The following COL12A1 variants were observed in gnomAD, a reference collection of about 807,000 sequenced individuals.
The protein encoded by COL12A1 is collagen type XII alpha 1 chain.
A neutral mutation model predicts 349.7 loss-of-function variants in COL12A1; 114 were observed. That is an observed-to-expected ratio of 0.33 (90% CI 0.28 to 0.38). COL12A1 has a LOEUF of 0.38. Ranked by LOEUF, COL12A1 falls within the 10% of genes least tolerant of loss-of-function variation. The pLI is 1.00. For missense variants in COL12A1, 3,284 were observed against 3,756.9 expected (o/e 0.87, Z 3.29); for synonymous variants, 1,369 against 1,329.0 (o/e 1.03, Z -0.66).
chr6:75,194,906 T>G lies in COL12A1; in HGVS notation c.115A>C (p.Asn39His). ...TTTGCCCATGACATATGAACAGTATTTTCATCTATAATTTTAAAATTCAAG... is the reference window on the plus strand; with the variant it reads ...TTTGCCCATGACATATGAACAGTATGTTCATCTATAATTTTAAAATTCAAG... Reference protein sequence around the residue: ...SDLNFKIIDENTVHMSWAKPV... With the variant: ...SDLNFKIIDEHTVHMSWAKPV... Residue 39 changes from asparagine to histidine, a missense_variant, in exon 3 of 66, where the codon AAT becomes CAT. Coordinates refer to ENST00000322507, the MANE Select transcript of COL12A1 (RefSeq NM_004370.6). 6.2e-7 allele frequency: 1 copy of G among 1,609,880 alleles called. No individual in the cohort carries two copies. The highest frequency in any genetic ancestry group is 8.5e-7 in the Non-Finnish European group (1 of 1,177,960).
At position 75,183,857 on chromosome 6, in the gene COL12A1, C is replaced by G. The variant is rs777594856; in HGVS notation, c.1285G>C (p.Val429Leu). 5 of 1,613,982 alleles carry G rather than the reference C, an allele frequency of 3.1e-6. No individual in the cohort carries two copies. In the South Asian group the frequency reaches 5.5e-5, roughly 18 times the overall value. ...AATGATGCACACATTGACTTACCCA[C>G]TTGAACTTTCATTGGCTGAGTCTTC... is the stretch of plus-strand genomic sequence containing the variant. The part of the protein sequence containing the change: ...MEKTQPMKVQ[V>L]ECSRGVDIKA... Residue 429 changes from valine (V) to leucine (L), a missense_variant, in exon 9 of 66, where the codon GTG (valine) becomes CTG (leucine). Val to Leu is a conservative substitution (Grantham distance 32). Around this residue, in one of 2 missense-constraint regions of COL12A1, gnomAD observed 2,601 missense variants for 2,824.8 expected, o/e 0.92. Coordinates refer to ENST00000322507, the MANE Select transcript of COL12A1 (RefSeq NM_004370.6).
intron 14 of COL12A1, among the ~76,000 whole-genome samples, chr6:75,164,982 G>A (rs1562258486): frequency 6.6e-6 from 1 of 152,054 alleles, no homozygotes; most frequent in Non-Finnish European, 1.5e-5. Flanking sequence ...TTAAGTCTTG[G>A]TTGTATGATA....
At chr6:75,154,624 C>A in intron 16 of COL12A1, 87 bp from the exon 17 acceptor site, 1 of 1,385,242 alleles carries the variant, frequency 7.2e-7, no homozygotes, top group Non-Finnish European at 9.7e-7. Flanking sequence ...AGACATTTTT[C>A]TTGATTTACA....
intron 3 of COL12A1, among the ~76,000 whole-genome samples, chr6:75,194,301 CA>C (rs1307026919): frequency 2.0e-5 from 3 of 152,060 alleles, no homozygotes; most frequent in African/African-American, 7.2e-5. Context: ...TGAGAACAAG[CA>C]AAACAAGTTT....
rs1310779217 is a variant in COL12A1, at chr6:75,115,789, A to G, written c.7692T>C (p.Pro2564=). 2 of 1,608,700 alleles carry G rather than the reference A, an allele frequency of 1.2e-6. No individual in the cohort carries two copies. Among genetic ancestry groups the G allele is most frequent in the East Asian group, 2.2e-5 (1 of 44,836 alleles). ...RIQKNAFVNQ[P]TADLHPNGLP... ...CCTCCTGTTGTCACACTTACGCTGT[A>G]GGCTGATTCACAAACGCATTCTTCT... The change falls in exon 49 of 66, where the codon CCT becomes CCC. Residue 2564 remains proline (P), a synonymous_variant. Coordinates refer to ENST00000322507, the MANE Select transcript of COL12A1 (RefSeq NM_004370.6).
chr6:75,148,178 A>G (rs1212748393), intron 22 of COL12A1, among the ~76,000 whole-genome samples, 180 bp downstream of exon 22: 1 of 152,158 alleles, frequency 6.6e-6, no homozygotes, highest in Non-Finnish European at 1.5e-5. Flanking sequence ...CTTTCCCTTT[A>G]ATTAAAGCCA....
chr6:75,155,562 T>C, intron 16 of COL12A1, 100 bp downstream of exon 16: 1 of 1,167,750 alleles, frequency 8.6e-7, no homozygotes, highest in South Asian at 1.5e-5. Flanking sequence ...CAAACAGACA[T>C]ATAAGTGATA....
At chr6:75,102,278 T>C (rs148122578) in intron 56 of COL12A1, among the ~76,000 whole-genome samples, 12 of 152,326 alleles carry the variant, frequency 7.9e-5, no homozygotes, top group Admixed American at 5.9e-4. Context: ...TACAATGTTA[T>C]GGGGTAATTT....
At chr6:75,129,959 T>A in intron 37 of COL12A1, 132 bp downstream of exon 37, 1 of 1,057,296 alleles carries the variant, frequency 9.5e-7, no homozygotes, top group Non-Finnish European at 1.4e-6. Flanking sequence ...CCCAACGTCA[T>A]GTCAGAGAAA....
chr6:75,138,924 T>G lies in COL12A1; in HGVS notation c.4995A>C (p.Glu1665Asp), dbSNP rs1582115930. 1 of 1,614,112 alleles carries G rather than the reference T, an allele frequency of 6.2e-7. No homozygotes were observed. The highest frequency in any genetic ancestry group is 8.5e-7 in the Non-Finnish European group (1 of 1,179,954). Residue 1665 changes from glutamate (E) to aspartate (D), a missense_variant, in exon 28 of 66, where the codon GAA becomes GAC. Physicochemically the swap from Glu to Asp is conservative, Grantham distance 45 (BLOSUM62 2). This residue lies in a region of COL12A1 where 2,601 missense variants were observed against 2,824.8 expected (regional missense o/e 0.92). Transcript: ENST00000322507. ...VPAPTNLKIT[E>D]VTSEGFRGTW... The stretch of plus-strand genomic sequence containing the variant: ...TCCCTCTGAAACCCTCTGATGTTAC[T>G]TCAGTAATCTTTAAGTTTGTTGGGG...
At chr6:75,110,346 C>G (rs1768772814) in intron 51 of COL12A1, among the ~76,000 whole-genome samples, 1 of 151,976 alleles carries the variant, frequency 6.6e-6, no homozygotes, top group Non-Finnish European at 1.5e-5. Context: ...TCCAGGAACA[C>G]TTGTCATTGA....
chr6:75,183,886 A>G lies in COL12A1; in HGVS notation c.1256T>C (p.Met419Thr), dbSNP rs201085951. 4.5e-5 allele frequency: 72 copies of G among 1,614,052 alleles called. No individual in the cohort carries two copies. The highest frequency in any genetic ancestry group is 1.7e-5 in the Non-Finnish European group (20 of 1,180,026). The stretch of plus-strand genomic sequence containing the variant: ...AACTTTCATTGGCTGAGTCTTCTCC[A>G]TTATTGAAATGGGTTCACTGGATGT... Reference protein sequence around the residue: ...GMTSSEPISIMEKTQPMKVQV... With the variant: ...GMTSSEPISITEKTQPMKVQV... The change falls in exon 9 of 66, where the codon ATG becomes ACG. Residue 419 changes from methionine (M) to threonine (T), a missense_variant. Physicochemically the swap from Met to Thr is moderately conservative, Grantham distance 81. This residue lies in a region of COL12A1 where 2,601 missense variants were observed against 2,824.8 expected (regional missense o/e 0.92). Coordinates refer to ENST00000322507, the MANE Select transcript of COL12A1 (RefSeq NM_004370.6).
chr6:75,194,764 G>T, intron 3 of COL12A1, 67 bp downstream of exon 3: 2 of 965,314 alleles, frequency 2.1e-6, no homozygotes, highest in Non-Finnish European at 3.2e-6. Context: ...TGAAAGGGGA[G>T]AAGAGGTGGA....
chr6:75,179,016 A>G (rs962194462), intron 11 of COL12A1, among the ~76,000 whole-genome samples: 5 of 152,222 alleles, frequency 3.3e-5, no homozygotes, highest in Admixed American at 1.3e-4. Context: ...TGTAATTCTG[A>G]GCCACAGATT....
chr6:75,181,083 C>T lies in COL12A1; in HGVS notation c.2020G>A (p.Glu674Lys). The T allele has an allele frequency of 6.2e-7, 1 of 1,614,024 alleles. No individual in the cohort carries two copies. The highest frequency in any genetic ancestry group is 8.5e-7 in the Non-Finnish European group (1 of 1,180,018). ...ITYKEAAGDDEVTVVEPASST... is the reference protein window; with the variant it reads ...ITYKEAAGDDKVTVVEPASST... The stretch of plus-strand genomic sequence containing the variant: ...GATGCTGGCTCCACCACAGTGACCT[C>T]ATCATCCCCAGCCGCTTCCTTGTAG... Residue 674 changes from glutamate to lysine, a missense_variant, in exon 11 of 66, where the codon GAG (glutamate) becomes AAG (lysine). Glu to Lys is a moderately conservative substitution (Grantham distance 56, BLOSUM62 1). Around this residue, in one of 2 missense-constraint regions of COL12A1, gnomAD observed 2,601 missense variants for 2,824.8 expected, o/e 0.92. Transcript: ENST00000322507.
chr6:75,098,484 T>A (rs1007655829), intron 58 of COL12A1, among the ~76,000 whole-genome samples: 1 of 152,052 alleles, frequency 6.6e-6, no homozygotes, highest in African/African-American at 2.4e-5. Context: ...GAAGACCCTG[T>A]CACTAAAAAA....
Position 75,189,787 on chromosome 6 carries a change from C to T in COL12A1, c.423G>A (p.Leu141=), listed in dbSNP as rs755912419. ...QKCSVSAWTD[L]VFLVDGSWSV... Reference sequence around the variant, plus strand: ...TCCAAGAGCCATCCACGAGGAAAACCAAATCAGTCCAGGCACTGACAGAGC... The same window carrying T: ...TCCAAGAGCCATCCACGAGGAAAACTAAATCAGTCCAGGCACTGACAGAGC... Residue 141 remains leucine (L), a synonymous_variant, in exon 6 of 66, where the codon TTG becomes TTA. Transcript: ENST00000322507. The T allele has an allele frequency of 1.2e-6, 2 of 1,613,008 alleles. No homozygotes were observed. Among genetic ancestry groups the T allele is most frequent in the Middle Eastern group, 1.7e-4 (1 of 6,052 alleles).
Position 75,138,502 on chromosome 6 carries a change from C to T in COL12A1, c.5176G>A (p.Ala1726Thr). ...PNTIYEVSITAIYPDESESDD... is the reference protein window; with the variant it reads ...PNTIYEVSITTIYPDESESDD... ...CTTTCTGACTCATCAGGATAGATGG[C>T]AGTAATGGAAACTTCATAGATGGTG... The change falls in exon 29 of 66, where the codon GCC becomes ACC. Residue 1726 changes from alanine to threonine, a missense_variant. By Grantham distance (58) the Ala-to-Thr change is moderately conservative. Around this residue, in one of 2 missense-constraint regions of COL12A1, gnomAD observed 2,601 missense variants for 2,824.8 expected, o/e 0.92. Transcript: ENST00000322507. 1.2e-6 allele frequency: 2 copies of T among 1,614,046 alleles called. No homozygotes were observed. The highest frequency in any genetic ancestry group is 8.5e-7 in the Non-Finnish European group (1 of 1,179,962).
Position 75,191,747 on chromosome 6 carries a change from A to C in COL12A1, c.348T>G (p.Ser116Arg). ...VIGQLTIQTG[S>R]STKPVEKKPG... ...GTTTCTTCTCCACTGGCTTTGTCGA[A>C]CTACCTGTTTGAACTAAGTTAAAAC... is the stretch of plus-strand genomic sequence containing the variant. Residue 116 changes from serine (S) to arginine (R), a missense_variant, in exon 5 of 66, where the codon AGT (serine) becomes AGG (arginine). Coordinates refer to ENST00000322507, the MANE Select transcript of COL12A1 (RefSeq NM_004370.6). 6.3e-7 allele frequency: 1 copy of C among 1,596,160 alleles called. No homozygotes were observed. Among genetic ancestry groups the C allele is most frequent in the Non-Finnish European group, 8.5e-7 (1 of 1,170,942 alleles).
Sources: gnomAD v4.1 joint callset for allele counts (sites outside exome capture counted in the v4.1 genomes callset) on GRCh38, gnomAD v4.1.1 for gene constraint, gnomAD v4.1.1 regional missense constraint, MANE v1.5 for transcripts, NCBI Gene and HGNC (gene_info 2026-07-23, HGNC 2026-07-21) for gene names.